KCNB2: variants seen among roughly 807,000 people sequenced by gnomAD.
The protein encoded by KCNB2 is delayed rectifier potassium channel protein.
A neutral mutation model predicts 61.5 loss-of-function variants in KCNB2; 15 were observed. The ratio of observed to expected loss-of-function variants is 0.24; its 90% confidence interval spans 0.16 to 0.38. The LOEUF is 0.38. Among genes scored for constraint, KCNB2 ranks in the 10% least tolerant of loss-of-function variants. The probability of loss-of-function intolerance (pLI) is 1.00; values close to 1 mark genes in which losing one functional copy is unlikely to be tolerated. For synonymous variants in KCNB2, 457 were observed against 446.0 expected (o/e 1.02, Z -0.31); for missense variants, 828 against 1,125.2 (o/e 0.74, Z 3.78).
intron 2 of KCNB2, among the ~76,000 whole-genome samples, chr8:72,831,790 G>C (rs1809702024): frequency 1.3e-5 from 2 of 152,212 alleles, no homozygotes; most frequent in Admixed American, 1.3e-4. Context: ...TACTTTGTCT[G>C]AGAAAAGATG....
chr8:72,666,520 C>T (rs1282526710), intron 2 of KCNB2, among the ~76,000 whole-genome samples: 2 of 152,084 alleles, frequency 1.3e-5, no homozygotes. Context: ...AGAAGAATAT[C>T]AAAAGCTTTG....
At chr8:72,717,586 G>A (rs1036249958) in intron 2 of KCNB2, among the ~76,000 whole-genome samples, 1 of 152,078 alleles carries the variant, frequency 6.6e-6, no homozygotes, top group Admixed American at 6.5e-5. Flanking sequence ...TTAATAAATG[G>A]TGCTGGGAAA....
At chr8:72,808,088 A>G (rs1203341904) in intron 2 of KCNB2, among the ~76,000 whole-genome samples, 1 of 152,144 alleles carries the variant, frequency 6.6e-6, no homozygotes, top group East Asian at 1.9e-4. Context: ...TCATGTTGCA[A>G]TGTTTCTTGG....
intron 2 of KCNB2, among the ~76,000 whole-genome samples, chr8:72,649,516 A>T (rs796254153): frequency 4.6e-5 from 7 of 152,228 alleles, no homozygotes; most frequent in African/African-American, 1.4e-4. Flanking sequence ...GATGAGATGA[A>T]CTGTACCCCA....
chr8:72,903,008 C>G (rs1373743581), intron 2 of KCNB2, among the ~76,000 whole-genome samples: 1 of 152,168 alleles, frequency 6.6e-6, no homozygotes, highest in East Asian at 1.9e-4. Flanking sequence ...TGGATAACCT[C>G]TATTTTATTT....
intron 2 of KCNB2, among the ~76,000 whole-genome samples, chr8:72,725,597 A>ATATATATGTATGTGTG (rs1440510264): frequency 5.9e-5 from 3 of 50,790 alleles, no homozygotes; most frequent in Non-Finnish European, 1.7e-4. Context: ...GTATGTATAT[A>ATATATATGTATGTGTG]TATATATATA....
rs973027037 is a variant in KCNB2 at position 72,780,432 on chromosome 8, T to C, written c.580-155503T>C. 3.3e-5 allele frequency among the ~76,000 whole-genome samples: 5 copies of C among 152,328 alleles called. No individual in the cohort carries two copies. The East Asian group carries it at 9.6e-4, about 29-fold the overall frequency. On this transcript the variant is annotated intron_variant, in intron 2 of 2. Coordinates refer to ENST00000523207, the MANE Select transcript of KCNB2 (RefSeq NM_004770.3). The stretch of plus-strand genomic sequence containing the variant: ...GTAGAAAGAGATCTGAAAAACAAAG[T>C]ATTCAAGATCAGAGAGCTTTCCAAA...
intron 2 of KCNB2, among the ~76,000 whole-genome samples, chr8:72,837,996 A>G (rs1053167428): frequency 2.6e-5 from 4 of 152,188 alleles, no homozygotes; most frequent in African/African-American, 9.7e-5. Flanking sequence ...ACCTTTTTAT[A>G]TTAATTAGGT....
At chr8:72,598,948 G>C (rs1428620859) in intron 2 of KCNB2, among the ~76,000 whole-genome samples, 1 of 152,086 alleles carries the variant, frequency 6.6e-6, no homozygotes, top group Non-Finnish European at 1.5e-5. Context: ...AAATAAAAGA[G>C]GATACAAACA....
intron 1 of KCNB2, among the ~76,000 whole-genome samples, chr8:72,539,599 T>A (rs894911758): frequency 6.6e-6 from 1 of 152,156 alleles, no homozygotes; most frequent in Non-Finnish European, 1.5e-5. Context: ...CAAATCTCCC[T>A]CATACACAAA....
intron 2 of KCNB2, among the ~76,000 whole-genome samples, chr8:72,585,755 A>G (rs1228259056): frequency 6.6e-6 from 1 of 152,258 alleles, no homozygotes; most frequent in Non-Finnish European, 1.5e-5. Context: ...ATGACAAAAT[A>G]TGATTGTTTT....
chr8:72,745,247 A>G (rs1279254692), intron 2 of KCNB2, among the ~76,000 whole-genome samples: 2 of 152,242 alleles, frequency 1.3e-5, no homozygotes, highest in Non-Finnish European at 2.9e-5. Context: ...TGCAGTGTTA[A>G]TTAGGAGAGA....
Position 72,772,687 on chromosome 8 carries a change from G to T in KCNB2, c.580-163248G>T, listed in dbSNP as rs1468366299. ...AGTGTGGTGGTAGGAAATATCTACA[G>T]TATTCAGTGTTTTCCCTGAAACAGT... On this transcript the variant is annotated intron_variant, in intron 2 of 2. Coordinates refer to ENST00000523207, the MANE Select transcript of KCNB2 (RefSeq NM_004770.3). Among the ~76,000 whole-genome samples the T allele has an allele frequency of 1.3e-5, 2 of 152,278 alleles. 1 individual carries two copies. Among genetic ancestry groups the T allele is most frequent in the East Asian group, 3.9e-4 (2 of 5,186 alleles).
At chr8:72,631,857 A>G (rs928502767) in intron 2 of KCNB2, among the ~76,000 whole-genome samples, 1 of 152,122 alleles carries the variant, frequency 6.6e-6, no homozygotes, top group African/African-American at 2.4e-5. Flanking sequence ...CAAATGCAGC[A>G]TTAATTTTAA....
intron 2 of KCNB2, among the ~76,000 whole-genome samples, chr8:72,747,639 A>G (rs950122894): frequency 1.3e-5 from 2 of 152,190 alleles, no homozygotes; most frequent in African/African-American, 2.4e-5. Flanking sequence ...TTAGAGAAGT[A>G]AAGAAACAAA....
At chr8:72,801,184 G>T (rs1182048557) in intron 2 of KCNB2, among the ~76,000 whole-genome samples, 1 of 152,180 alleles carries the variant, frequency 6.6e-6, no homozygotes, top group Admixed American at 6.5e-5. Flanking sequence ...TTAAAAATAT[G>T]CCATTACTTG....
chr8:72,585,195 C>T (rs1379087572), intron 2 of KCNB2, among the ~76,000 whole-genome samples: 2 of 152,132 alleles, frequency 1.3e-5, no homozygotes, highest in Non-Finnish European at 2.9e-5. Flanking sequence ...TAGTTTCTGT[C>T]CCTGGCCAAG....
chr8:72,874,875 C>T (rs965806181), intron 2 of KCNB2: 64 of 152,188 alleles, frequency 4.2e-4, no homozygotes, highest in African/African-American at 1.4e-3. Context: ...CTAATAGCAT[C>T]CTCACCCTCT....
intron 2 of KCNB2, among the ~76,000 whole-genome samples, chr8:72,890,221 A>G (rs1055333605): frequency 2.4e-4 from 37 of 152,316 alleles, no homozygotes; most frequent in Middle Eastern, 3.4e-3. Flanking sequence ...AAGTCATTCC[A>G]TATATTCTTC....
Sources: gnomAD v4.1 joint callset for allele counts (sites outside exome capture counted in the v4.1 genomes callset) on GRCh38, gnomAD v4.1.1 for gene constraint, MANE v1.5 for transcripts, NCBI Gene and HGNC (gene_info 2026-07-23, HGNC 2026-07-21) for gene names.